The following ARG2 variants were observed in gnomAD, a reference collection of about 807,000 sequenced individuals.
The protein encoded by ARG2 is arginase-2, mitochondrial.
ARG2 carries 21 observed loss-of-function variants against 39.4 expected under a neutral mutation model. The ratio of observed to expected loss-of-function variants is 0.53; its 90% CI spans 0.38 to 0.77. The LOEUF is 0.77. Ranked by LOEUF, ARG2 falls within the 30% of genes least tolerant of loss-of-function variation. The pLI, the probability that ARG2 is intolerant of heterozygous loss-of-function variation, is 0.00. For synonymous variants in ARG2, 150 were observed against 156.7 expected (o/e 0.96, Z 0.32); for missense variants, 378 against 426.2 (o/e 0.89, Z 1.00).
chr14:67,632,778 T>G lies in ARG2; in HGVS notation c.185-9408T>G, dbSNP rs576991513. Among the ~76,000 whole-genome samples, 143 of 151,892 alleles carry G rather than the reference T, an allele frequency of 9.4e-4. 1 individual carries two copies. Among genetic ancestry groups the G allele is most frequent in the Non-Finnish European group, 1.7e-3 (117 of 67,938 alleles). Reference sequence around the variant, plus strand: ...AGGAAGGAAGGGAGGTCTCTTTCTTTATTTTCAACAGGGAGAATTAAGCCT... The same window carrying G: ...AGGAAGGAAGGGAGGTCTCTTTCTTGATTTTCAACAGGGAGAATTAAGCCT... On this transcript the variant is annotated intron_variant, in intron 2 of 7. Coordinates refer to ENST00000261783, the MANE Select transcript of ARG2 (RefSeq NM_001172.4).
chr14:67,631,144 C>T (rs1333722296), intron 2 of ARG2, among the ~76,000 whole-genome samples: 2 of 152,176 alleles, frequency 1.3e-5, no homozygotes, highest in Non-Finnish European at 2.9e-5. Flanking sequence ...CCCCCTTGAC[C>T]TTAGGTAGCC....
At chr14:67,646,471 C>T in intron 4 of ARG2, 173 bp from the exon 5 acceptor site, 1 of 574,638 alleles carries the variant, frequency 1.7e-6, no homozygotes, top group Non-Finnish European at 3.1e-6. Context: ...CCTTCTGAAA[C>T]ATTTCCACCT....
intron 2 of ARG2, among the ~76,000 whole-genome samples, chr14:67,637,906 G>A (rs903642642): frequency 1.3e-5 from 2 of 152,210 alleles, no homozygotes; most frequent in African/African-American, 4.8e-5. Flanking sequence ...TGCCAAAAGT[G>A]AGCAGGAGTA....
chr14:67,651,117 C>T lies in ARG2; in HGVS notation c.*197C>T, dbSNP rs902668423. On this transcript the variant is annotated 3_prime_UTR_variant, in exon 8 of 8. Transcript: ENST00000261783. ...AATGTATTTGGTTTTTTGCAGTTCA[C>T]AGGGTATTAATATGCTACAGTACTA... The T allele has an allele frequency of 2.1e-5, 19 of 913,528 alleles. No homozygotes were observed. Among genetic ancestry groups the T allele is most frequent in the Non-Finnish European group, 3.1e-5 (19 of 616,820 alleles). The allele number at this position is 913,528 out of a possible 1,614,324, so 56.6% of individuals were successfully genotyped here. A position where few individuals can be genotyped will look rare whatever the true frequency, so the allele number is the denominator to read the frequency against.
chr14:67,622,734 CT>C (rs2140706564), intron 2 of ARG2, among the ~76,000 whole-genome samples: 1 of 152,344 alleles, frequency 6.6e-6, no homozygotes, highest in South Asian at 2.1e-4. Context: ...CTGGAGACAT[CT>C]CTGCAGTCCA....
At chr14:67,620,157 AG>A in intron 1 of ARG2, 69 bp downstream of exon 1, 1 of 1,187,942 alleles carries the variant, frequency 8.4e-7, no homozygotes, top group Non-Finnish European at 1.2e-6. Context: ...CAGCGGCGGT[AG>A]GGTGCGGGGG....
intron 2 of ARG2, among the ~76,000 whole-genome samples, chr14:67,624,248 C>A (rs1457651024): frequency 6.6e-6 from 1 of 151,616 alleles, no homozygotes; most frequent in Non-Finnish European, 1.5e-5. Context: ...TCAAGAAAAG[C>A]CAGAAATTTG....
chr14:67,620,981 T>TAA lies in ARG2; in HGVS notation c.184+15_184+16insAA, dbSNP rs769781175. 1 of 1,612,884 alleles carries TAA rather than the reference T, an allele frequency of 6.2e-7. No homozygotes were observed. Among genetic ancestry groups the TAA allele is most frequent in the East Asian group, 2.2e-5 (1 of 44,862 alleles). On this transcript the variant is annotated intron_variant, in intron 2 of 7. Coordinates refer to ENST00000261783, the MANE Select transcript of ARG2 (RefSeq NM_001172.4). ...CTCCAGTTTGGGTAAGTGGTTAGATTTTTAGATATTAGTGCAGGACTAGTA... is the reference window on the plus strand; with the variant it reads ...CTCCAGTTTGGGTAAGTGGTTAGATTAATTTAGATATTAGTGCAGGACTAGTA...
Position 67,619,936 on chromosome 14 carries a change from C to G in ARG2, c.-42C>G. 1 of 1,384,654 alleles carries G rather than the reference C, an allele frequency of 7.2e-7. No individual in the cohort carries two copies. Among genetic ancestry groups the G allele is most frequent in the Non-Finnish European group, 9.7e-7 (1 of 1,030,548 alleles). The allele number at this position is 1,384,654 out of a possible 1,614,324, so 85.8% of individuals were successfully genotyped here. A position where few individuals can be genotyped will look rare whatever the true frequency, so the allele number is the denominator to read the frequency against. On this transcript the variant is annotated 5_prime_UTR_variant, in exon 1 of 8. Coordinates refer to ENST00000261783, the MANE Select transcript of ARG2 (RefSeq NM_001172.4). ...GTGGCGCTCACTCCCGGCTTCCAACCGCGCGGAGCCTCTGCCTTGGAGATT... is the reference window on the plus strand; with the variant it reads ...GTGGCGCTCACTCCCGGCTTCCAACGGCGCGGAGCCTCTGCCTTGGAGATT...
Position 67,632,808 on chromosome 14 carries a change from A to ATTTT in ARG2, c.185-9351_185-9348dup, listed in dbSNP as rs55642854. Among the ~76,000 whole-genome samples, 282 of 62,420 alleles carry ATTTT rather than the reference A, an allele frequency of 4.5e-3. 19 individuals are homozygous for ATTTT. Among genetic ancestry groups the ATTTT allele is most frequent in the Admixed American group, 6.4e-3 (23 of 3,566 alleles). 40.9% of individuals were successfully genotyped at this position (62,420 alleles called of 152,430 possible). ...TCAACAGGGAGAATTAAGCCTCTTA[A>ATTTT]TTTTTTTTTTTTTTTTTTTTTTTTT... is the stretch of plus-strand genomic sequence containing the variant. On this transcript the variant is annotated intron_variant, in intron 2 of 7. Coordinates refer to ENST00000261783, the MANE Select transcript of ARG2 (RefSeq NM_001172.4).
intron 2 of ARG2, among the ~76,000 whole-genome samples, chr14:67,624,295 G>A (rs1466637493): frequency 1.3e-5 from 2 of 152,152 alleles, no homozygotes; most frequent in Non-Finnish European, 2.9e-5. Flanking sequence ...TTAAAATACT[G>A]TATAGTGACA....
At position 67,645,626 on chromosome 14, in the gene ARG2, A is replaced by C; in HGVS notation, c.363-17A>C. On this transcript the variant is annotated splice_polypyrimidine_tract_variant and intron_variant, in intron 3 of 7. Transcript: ENST00000261783. ...TGCCAAGCAGAGGGCCTTCAAGATT[A>C]TACTTGTTCTTTGCAGCCTGGCAAT... 1.2e-6 allele frequency: 2 copies of C among 1,609,852 alleles called. No individual in the cohort carries two copies. Among genetic ancestry groups the C allele is most frequent in the South Asian group, 2.2e-5 (2 of 90,342 alleles).
rs201093539 is a variant in ARG2 at position 67,651,208 on chromosome 14, T to C, written c.*288T>C. On this transcript the variant is annotated 3_prime_UTR_variant, in exon 8 of 8. Transcript: ENST00000261783. The stretch of plus-strand genomic sequence containing the variant: ...GTATATCATACTGGTCTTGTTGCTG[T>C]TGTTCCTTCACATTTAAGTGGTTTT... The C allele has an allele frequency of 3.2e-6, 4 of 1,246,410 alleles. No individual in the cohort carries two copies. The highest frequency in any genetic ancestry group is 4.3e-6 in the Non-Finnish European group (4 of 936,444). 77.2% of individuals were successfully genotyped at this position (1,246,410 alleles called of 1,614,324 possible).
intron 2 of ARG2, among the ~76,000 whole-genome samples, chr14:67,628,598 T>C (rs2036890359): frequency 6.6e-6 from 1 of 152,222 alleles, no homozygotes; most frequent in Admixed American, 6.5e-5. Flanking sequence ...TCAAAAGTTT[T>C]TTGATACTTA....
chr14:67,636,396 A>G (rs1566800348), intron 2 of ARG2, among the ~76,000 whole-genome samples: 1 of 152,246 alleles, frequency 6.6e-6, no homozygotes, highest in Non-Finnish European at 1.5e-5. Context: ...CTTCCTCTGC[A>G]ATGTGTGGAT....
intron 2 of ARG2, among the ~76,000 whole-genome samples, chr14:67,637,410 C>CAAAAAAAAAAAAAAAAAAAA (rs34746542): frequency 9.7e-6 from 1 of 103,620 alleles, no homozygotes. Context: ...GACTCTGTCT[C>CAAAAAAAAAAAAAAAAAAAA]AAAAAAAAAA....
At chr14:67,641,451 G>A (rs1174642940) in intron 2 of ARG2, among the ~76,000 whole-genome samples, 5 of 152,152 alleles carry the variant, frequency 3.3e-5, no homozygotes, top group African/African-American at 4.8e-5. Flanking sequence ...TAACTTGGGC[G>A]GTTACTTCTC....
intron 3 of ARG2, among the ~76,000 whole-genome samples, chr14:67,644,241 C>T (rs557736301): frequency 6.6e-6 from 1 of 152,324 alleles, no homozygotes; most frequent in East Asian, 1.9e-4. Context: ...TAGGTCACTG[C>T]TCCTTTTATG....
rs756455795 is a variant in ARG2, at chr14:67,646,683, A to G, written c.562A>G (p.Ile188Val). The change falls in exon 5 of 8, where the codon ATC (isoleucine) becomes GTC (valine). Residue 188 changes from isoleucine to valine, a missense_variant. Transcript: ENST00000261783. The part of the protein sequence containing the change: ...LPGFSWIKPC[I>V]SSASIVYIGL... ...AGGATTTTCCTGGATCAAACCTTGT[A>G]TCTCTTCTGCAAGTATTGTGTATAT... 3 of 1,613,812 alleles carry G rather than the reference A, an allele frequency of 1.9e-6. No individual in the cohort carries two copies. The highest frequency in any genetic ancestry group is 2.2e-5 in the South Asian group (2 of 91,058).
Sources: allele counts gnomAD v4.1 joint callset (sites outside exome capture counted in the v4.1 genomes callset), GRCh38; gene constraint gnomAD v4.1.1; transcripts MANE v1.5; gene names NCBI Gene and HGNC (gene_info 2026-07-23, HGNC 2026-07-21).